The following PCDHA13 variants were observed in gnomAD, a reference collection of about 807,000 sequenced individuals.
PCDHA13 encodes protocadherin alpha 13.
In PCDHA13, 54 loss-of-function variants were observed where a neutral mutation model predicts 64.8. The ratio of observed to expected loss-of-function variants is 0.83; its 90% CI spans 0.67 to 1.04. The LOEUF (loss-of-function observed/expected upper bound fraction) is 1.04, where lower values mean the gene tolerates loss of function less well. Among genes scored for constraint, PCDHA13 ranks in the 50% least tolerant of loss-of-function variants. PCDHA13 has a pLI of 0.00. For synonymous variants in PCDHA13, 587 were observed against 564.4 expected (o/e 1.04, Z -0.57); for missense variants, 1,248 against 1,254.3 (o/e 0.99, Z 0.08).
intron 1 of PCDHA13, among the ~76,000 whole-genome samples, chr5:140,919,122 T>G (rs879989359): frequency 6.6e-6 from 1 of 152,224 alleles, no homozygotes; most frequent in African/African-American, 2.4e-5. Context: ...AGTTTTTGCT[T>G]CATGTGTTTT....
At chr5:141,006,215 TA>T (rs200576602) in intron 3 of PCDHA13, among the ~76,000 whole-genome samples, 4 of 151,640 alleles carry the variant, frequency 2.6e-5, no homozygotes, top group South Asian at 2.1e-4. Flanking sequence ...CATTTTTTTT[TA>T]AATTTTTTAT....
chr5:140,882,958 C>T lies in PCDHA13; in HGVS notation c.690C>T (p.Ile230=), dbSNP rs1582656438. 1 of 1,614,040 alleles carries T rather than the reference C, an allele frequency of 6.2e-7. No homozygotes were observed. The highest frequency in any genetic ancestry group is 8.5e-7 in the Non-Finnish European group (1 of 1,180,046). ...PELTGTVQLL[I]TILDVNDNAP... ...TGACTGGCACAGTTCAGCTGCTCAT[C>T]ACGATTCTGGACGTGAATGACAACG... The change falls in exon 1 of 4, where the codon ATC becomes ATT. Residue 230 remains isoleucine (I), a synonymous_variant. Coordinates refer to ENST00000289272, the MANE Select transcript of PCDHA13 (RefSeq NM_018904.3).
chr5:140,888,724 C>G (rs1437926423), intron 1 of PCDHA13, among the ~76,000 whole-genome samples: 6 of 151,938 alleles, frequency 3.9e-5, no homozygotes, highest in African/African-American at 1.5e-4. Flanking sequence ...ATTTCCAGCC[C>G]TTTGTGAGCT....
intron 1 of PCDHA13, among the ~76,000 whole-genome samples, chr5:140,903,721 C>A (rs2070530222): frequency 6.6e-6 from 1 of 152,152 alleles, no homozygotes; most frequent in Non-Finnish European, 1.5e-5. Flanking sequence ...ACAATTCTCC[C>A]TATTATCAAT....
At chr5:140,928,074 C>T (rs781992001) in intron 1 of PCDHA13, 1 of 1,614,216 alleles carries the variant, frequency 6.2e-7, no homozygotes, top group Admixed American at 1.7e-5. Flanking sequence ...TTGACAACTA[C>T]TACAGCCTGC....
chr5:140,889,403 C>T (rs1246037388), intron 1 of PCDHA13, among the ~76,000 whole-genome samples: 1 of 151,882 alleles, frequency 6.6e-6, no homozygotes, highest in Non-Finnish European at 1.5e-5. Flanking sequence ...TTAATTTACT[C>T]GAGTCAGTTA....
rs375652776 is a variant in PCDHA13, at chr5:140,968,862, G to A, written c.2395-10087G>A. The A allele has an allele frequency of 1.9e-5, 31 of 1,614,126 alleles. No individual in the cohort carries two copies. The highest frequency in any genetic ancestry group is 1.5e-4 in the South Asian group (14 of 91,062). The stretch of plus-strand genomic sequence containing the variant: ...ACTCAGAGGCATGTTAAGAGCCCTC[G>A]GACATACTCTGAAATTACCCTTTAT... On this transcript the variant is annotated intron_variant, in intron 1 of 3. Transcript: ENST00000289272.
In PCDHA13 at chr5:140,883,790, G is replaced by T. The variant is rs200436467; in HGVS notation, c.1522G>T (p.Val508Leu). ...GGGCGAGCGTGCGCTGTCGAGCTAC[G>T]TGTCGGTGCACGCGGAGAGCGGCAA... The part of the protein sequence containing the change: ...RVGERALSSY[V>L]SVHAESGKVY... The change falls in exon 1 of 4, where the codon GTG becomes TTG. Residue 508 changes from valine to leucine, a missense_variant. Coordinates refer to ENST00000289272, the MANE Select transcript of PCDHA13 (RefSeq NM_018904.3). The T allele has an allele frequency of 3.5e-5, 57 of 1,612,406 alleles. No homozygotes were observed. The highest frequency in any genetic ancestry group is 4.3e-5 in the Non-Finnish European group (51 of 1,179,760).
At chr5:140,926,738 G>T in intron 1 of PCDHA13, 1 of 1,162,106 alleles carries the variant, frequency 8.6e-7, no homozygotes, top group Non-Finnish European at 1.1e-6. Context: ...TTCGGGAGGC[G>T]CAACGTCGGC....
chr5:140,931,993 T>C (rs1350907359), intron 1 of PCDHA13, among the ~76,000 whole-genome samples: 8 of 152,090 alleles, frequency 5.3e-5, no homozygotes, highest in Admixed American at 3.3e-4. Context: ...GCTCAAATTC[T>C]AAGTTCTTTC....
At chr5:140,953,988 A>G (rs1554221181) in intron 1 of PCDHA13, among the ~76,000 whole-genome samples, 1 of 151,898 alleles carries the variant, frequency 6.6e-6, no homozygotes, top group African/African-American at 2.4e-5. Flanking sequence ...TCATATTTTC[A>G]TGTGTACTCA....
In PCDHA13 at chr5:140,884,156, G is replaced by C. The variant is rs1554181298; in HGVS notation, c.1888G>C (p.Glu630Gln). 1 of 1,613,448 alleles carries C rather than the reference G, an allele frequency of 6.2e-7. No homozygotes were observed. Among genetic ancestry groups the C allele is most frequent in the Admixed American group, 1.7e-5 (1 of 60,012 alleles). The change falls in exon 1 of 4, where the codon GAG becomes CAG. Residue 630 changes from glutamate (E) to glutamine (Q), a missense_variant. Physicochemically the swap from Glu to Gln is conservative, Grantham distance 29 (BLOSUM62 2). Transcript: ENST00000289272. ...GTTCCGCGTGGGGCTGTACACTGGC[G>C]AGATCAGCACGACGCGCCCTCTGGA... ...IPFRVGLYTG[E>Q]ISTTRPLDEV...
At chr5:140,911,866 T>A (rs139180139) in intron 1 of PCDHA13, among the ~76,000 whole-genome samples, 31 of 152,320 alleles carry the variant, frequency 2.0e-4, no homozygotes, top group Non-Finnish European at 4.3e-4. Context: ...TCTGTTCTTC[T>A]GGAACCACTC....
Position 140,927,906 on chromosome 5 carries a change from C to T in PCDHA13, c.2394+43244C>T, listed in dbSNP as rs116016831. On this transcript the variant is annotated intron_variant, in intron 1 of 3. Coordinates refer to ENST00000289272, the MANE Select transcript of PCDHA13 (RefSeq NM_018904.3). ...TGACTGACGTGAACGATCATGCCCC[C>T]GAACTGGACTTCCTGACTCTTTCGA... is the stretch of plus-strand genomic sequence containing the variant. 5,195 of 1,614,178 alleles carry T rather than the reference C, an allele frequency of 3.2e-3. 26 individuals are homozygous for T. The highest frequency in any genetic ancestry group is 0.019 in the African/African-American group (1,450 of 75,038).
chr5:140,915,234 A>G (rs1373292519), intron 1 of PCDHA13, among the ~76,000 whole-genome samples: 1 of 152,144 alleles, frequency 6.6e-6, no homozygotes, highest in Non-Finnish European at 1.5e-5. Flanking sequence ...GGCATGAGCC[A>G]CCATGCCTGG....
At chr5:140,929,321 C>A (rs1554206981) in intron 1 of PCDHA13, 1 of 1,541,174 alleles carries the variant, frequency 6.5e-7, no homozygotes, top group Non-Finnish European at 8.8e-7. Flanking sequence ...AATGTCAATG[C>A]CATGGTAAGC....
At chr5:140,969,501 A>G (rs2096338220) in intron 1 of PCDHA13, 20 of 1,431,968 alleles carry the variant, frequency 1.4e-5, no homozygotes, top group Non-Finnish European at 1.9e-5. Context: ...CTCTCTAGAA[A>G]AATAGCACTA....
At chr5:140,999,524 C>T (rs1367103048) in intron 3 of PCDHA13, among the ~76,000 whole-genome samples, 1 of 152,026 alleles carries the variant, frequency 6.6e-6, no homozygotes, top group Non-Finnish European at 1.5e-5. Context: ...ATTTTGTTAC[C>T]CCCTGGATAT....
chr5:140,955,006 C>T (rs1304080416), intron 1 of PCDHA13, among the ~76,000 whole-genome samples: 1 of 152,154 alleles, frequency 6.6e-6, no homozygotes, highest in African/African-American at 2.4e-5. Flanking sequence ...AGCCAATTCT[C>T]CCAGCACCAT....
Sources: gnomAD v4.1 joint callset for allele counts (sites outside exome capture counted in the v4.1 genomes callset) on GRCh38, gnomAD v4.1.1 for gene constraint, MANE v1.5 for transcripts, NCBI Gene and HGNC (gene_info 2026-07-23, HGNC 2026-07-21) for gene names.